EXOC6B: variants seen among roughly 807,000 people sequenced by gnomAD.
The protein encoded by EXOC6B is exocyst complex component 6B, also known as SEC15 homolog B.
In EXOC6B, 54 loss-of-function variants were observed where a neutral mutation model predicts 113.5. The observed-to-expected ratio is 0.48, with a 90% CI of 0.38 to 0.60. EXOC6B has a LOEUF of 0.60. EXOC6B is among the 20% of genes least tolerant of loss of function. EXOC6B has a pLI of 0.00. For synonymous variants in EXOC6B, 357 were observed against 339.0 expected, an observed-to-expected ratio of 1.05 and a Z score of -0.58; for missense variants, 797 against 977.5, an observed-to-expected ratio of 0.82 and a Z score of 2.46.
At chr2:72,445,674 G>A (rs1696531891) in intron 18 of EXOC6B, among the ~76,000 whole-genome samples, 1 of 152,106 alleles carries the variant, frequency 6.6e-6, no homozygotes, top group Admixed American at 6.5e-5. Context: ...CAGATCTCAT[G>A]AGACTTATTC....
At chr2:72,673,094 A>T (rs756430161) in intron 6 of EXOC6B, among the ~76,000 whole-genome samples, 14 of 152,194 alleles carry the variant, frequency 9.2e-5, no homozygotes, top group Non-Finnish European at 2.1e-4. Flanking sequence ...TTCAGAAAAA[A>T]CAATTAAAAT....
chr2:72,513,076 C>A (rs2105671389), intron 11 of EXOC6B, 56 bp downstream of exon 11: 1 of 1,594,346 alleles, frequency 6.3e-7, no homozygotes, highest in Middle Eastern at 1.7e-4. Context: ...CAGTAAAACA[C>A]TGAATATATA....
Position 72,221,355 on chromosome 2 carries a change from C to T in EXOC6B, c.2197-37168G>A, listed in dbSNP as rs1287554162. On this transcript the variant is annotated intron_variant, in intron 20 of 21. Coordinates refer to ENST00000272427, the MANE Select transcript of EXOC6B (RefSeq NM_015189.3). The stretch of plus-strand genomic sequence containing the variant: ...GTAAATTTTAAATGATAAACCATGG[C>T]TCTCCCACTGCCTGCAAAGCTATTC... Among the ~76,000 whole-genome samples the T allele has an allele frequency of 4.6e-5, 7 of 152,250 alleles. No homozygotes were observed. The South Asian group carries it at 6.2e-4, about 14-fold the overall frequency.
intron 6 of EXOC6B, among the ~76,000 whole-genome samples, chr2:72,681,798 C>G (rs1558913611): frequency 6.6e-6 from 1 of 151,806 alleles, no homozygotes; most frequent in Non-Finnish European, 1.5e-5. Context: ...TTCCCCTGAA[C>G]ACATATTCAT....
intron 18 of EXOC6B, among the ~76,000 whole-genome samples, chr2:72,388,143 C>G (rs1692162719): frequency 6.6e-6 from 1 of 152,120 alleles, no homozygotes; most frequent in South Asian, 2.1e-4. Context: ...ACACCCTGGA[C>G]AGTCAAACAC....
At chr2:72,191,274 C>A (rs1224262762) in intron 20 of EXOC6B, among the ~76,000 whole-genome samples, 4 of 152,114 alleles carry the variant, frequency 2.6e-5, no homozygotes, top group African/African-American at 4.8e-5. Flanking sequence ...AGGGCTTTGG[C>A]AAAGTTCTAA....
intron 8 of EXOC6B, chr2:72,515,491 C>T: frequency 9.5e-7 from 1 of 1,047,530 alleles, no homozygotes; most frequent in Non-Finnish European, 1.1e-6. Context: ...ACTCACAGAA[C>T]ATTCCAGAAG....
intron 6 of EXOC6B, among the ~76,000 whole-genome samples, chr2:72,666,222 C>CA (rs564874591): frequency 6.6e-5 from 10 of 152,286 alleles, no homozygotes; most frequent in Middle Eastern, 3.4e-3. Context: ...ACCCTACTGA[C>CA]AGTGTTATAC....
chr2:72,770,449 T>G (rs531168590), intron 1 of EXOC6B, among the ~76,000 whole-genome samples: 167 of 152,340 alleles, frequency 1.1e-3, no homozygotes, highest in African/African-American at 3.9e-3. Context: ...TCACATATTA[T>G]GTAACATCCC....
intron 19 of EXOC6B, among the ~76,000 whole-genome samples, chr2:72,340,954 C>A (rs1351067230): frequency 1.3e-5 from 2 of 151,826 alleles, no homozygotes; most frequent in African/African-American, 4.8e-5. Context: ...AAGGGACGGC[C>A]AGAACATAAG....
intron 18 of EXOC6B, among the ~76,000 whole-genome samples, chr2:72,435,723 T>G (rs4319957): frequency 0.22 from 31,899 of 142,068 alleles, 5,582 homozygotes; most frequent in African/African-American, 0.56. Context: ...GCTTTTTTTT[T>G]GTTTTTTTTT....
At chr2:72,537,274 C>T (rs183496230) in intron 8 of EXOC6B, among the ~76,000 whole-genome samples, 1 of 152,182 alleles carries the variant, frequency 6.6e-6, no homozygotes, top group African/African-American at 2.4e-5. Flanking sequence ...AGATTTTTCA[C>T]AGATGCCCTA....
intron 6 of EXOC6B, among the ~76,000 whole-genome samples, chr2:72,657,567 CTTTTTTTTTTTTT>C (rs70963136): frequency 2.0e-5 from 1 of 50,356 alleles, no homozygotes; most frequent in Admixed American, 3.7e-4. Context: ...CTTTCCTTTT[CTTTTTTTTTTTTT>C]TTTTTTTTTT....
chr2:72,366,749 A>ATATC (rs1690648918), intron 19 of EXOC6B, among the ~76,000 whole-genome samples: 1 of 152,004 alleles, frequency 6.6e-6, no homozygotes, highest in Non-Finnish European at 1.5e-5. Context: ...ATCAGAAACT[A>ATATC]TATCAATCAA....
At chr2:72,813,960 GA>G (rs899568979) in intron 1 of EXOC6B, among the ~76,000 whole-genome samples, 2 of 151,668 alleles carry the variant, frequency 1.3e-5, no homozygotes, top group Non-Finnish European at 2.9e-5. Flanking sequence ...TTTGCAAAGG[GA>G]AAAAAAACAT....
At chr2:72,812,728 T>C (rs369248531) in intron 1 of EXOC6B, among the ~76,000 whole-genome samples, 28 of 151,890 alleles carry the variant, frequency 1.8e-4, no homozygotes, top group Admixed American at 3.3e-4. Flanking sequence ...GAAAATTTTA[T>C]ATAAAAAGGC....
rs571141783 is a variant in EXOC6B at position 72,651,204 on chromosome 2, G to GT, written c.669+66898dup. Among the ~76,000 whole-genome samples the GT allele has an allele frequency of 5.3e-5, 8 of 152,280 alleles. No homozygotes were observed. The East Asian group carries it at 1.5e-3, about 29-fold the overall frequency. On this transcript the variant is annotated intron_variant, in intron 6 of 21. Coordinates refer to ENST00000272427, the MANE Select transcript of EXOC6B (RefSeq NM_015189.3). ...GTTAATTAAACTGTGGATTATGAAA[G>GT]TTAAATTCTGTGCTAAAAATCTTAC... is the stretch of plus-strand genomic sequence containing the variant.
chr2:72,240,789 A>G (rs942114356), intron 20 of EXOC6B, among the ~76,000 whole-genome samples: 1 of 152,242 alleles, frequency 6.6e-6, no homozygotes, highest in East Asian at 1.9e-4. Flanking sequence ...ACTAGTTTCT[A>G]TTCTAGCATA....
chr2:72,625,069 G>T (rs894695482), intron 6 of EXOC6B, among the ~76,000 whole-genome samples: 2 of 148,174 alleles, frequency 1.3e-5, no homozygotes, highest in Non-Finnish European at 3.0e-5. Context: ...TTTTTTTGGG[G>T]GGGGGGTGGG....
Sources: gnomAD v4.1 joint callset for allele counts (sites outside exome capture counted in the v4.1 genomes callset) on GRCh38, gnomAD v4.1.1 for gene constraint, MANE v1.5 for transcripts, NCBI Gene and HGNC (gene_info 2026-07-23, HGNC 2026-07-21) for gene names.